The following ISX variants were observed in gnomAD, a reference collection of about 807,000 sequenced individuals.
ISX encodes the protein intestine specific homeobox, also known as intestine-specific homeobox.
Under a neutral mutation model 16.9 loss-of-function variants are expected in ISX, and 15 were observed. That is an observed-to-expected ratio of 0.89 (90% CI 0.59 to 1.36). The LOEUF (loss-of-function observed/expected upper bound fraction) is 1.36, where lower values mean the gene tolerates loss of function less well. ISX is among the 40% of genes most tolerant of loss of function. The probability of loss-of-function intolerance (pLI) is 0.00; values close to 1 mark genes in which losing one functional copy is unlikely to be tolerated. For synonymous variants in ISX, 125 were observed against 119.7 expected (o/e 1.04, Z -0.29); for missense variants, 316 against 306.1 (o/e 1.03, Z -0.24).
chr22:35,086,121 G>T lies in ISX; in HGVS notation c.*428G>T. ...GGCACTGAGGCACAGAGGAGGCCAA[G>T]GAGAGGTTGTTTGTTCATGCATGCA... On this transcript the variant is annotated 3_prime_UTR_variant, in exon 5 of 5. Coordinates refer to ENST00000404699, the MANE Select transcript of ISX (RefSeq NM_001303508.2). 3.7e-6 allele frequency: 1 copy of T among 270,524 alleles called. No individual in the cohort carries two copies. Among genetic ancestry groups the T allele is most frequent in the East Asian group, 9.3e-5 (1 of 10,738 alleles). The allele number at this position is 270,524 out of a possible 1,614,324, so 16.8% of individuals were successfully genotyped here.
chr22:35,078,306 T>C (rs1929037057), intron 2 of ISX, among the ~76,000 whole-genome samples: 2 of 152,352 alleles, frequency 1.3e-5, no homozygotes, highest in Non-Finnish European at 2.9e-5. Context: ...TCCTGCAGAC[T>C]GGCCCTCAGT....
intron 2 of ISX, among the ~76,000 whole-genome samples, chr22:35,076,689 G>A (rs1363794071): frequency 6.6e-6 from 1 of 152,214 alleles, no homozygotes; most frequent in African/African-American, 2.4e-5. Context: ...AGACCCCAGA[G>A]AAGAAGCAAT....
At chr22:35,077,492 A>G (rs1238883182) in intron 2 of ISX, among the ~76,000 whole-genome samples, 1 of 151,960 alleles carries the variant, frequency 6.6e-6, no homozygotes, top group Non-Finnish European at 1.5e-5. Context: ...TGTCTCTCCC[A>G]ACACTGCTCT....
intron 3 of ISX, 46 bp downstream of exon 3, chr22:35,082,715 C>T (rs754436127): frequency 6.2e-7 from 1 of 1,602,840 alleles, no homozygotes; most frequent in African/African-American, 1.3e-5. Flanking sequence ...GCCCTTGGGA[C>T]CATGTGTGAG....
At chr22:35,070,986 T>C (rs1021045912) in intron 2 of ISX, among the ~76,000 whole-genome samples, 1 of 152,210 alleles carries the variant, frequency 6.6e-6, no homozygotes, top group Admixed American at 6.5e-5. Flanking sequence ...AATAAAACTT[T>C]ATATACAAAA....
intron 2 of ISX, among the ~76,000 whole-genome samples, chr22:35,078,839 C>G (rs556187264): frequency 3.6e-4 from 55 of 152,360 alleles, no homozygotes; most frequent in Non-Finnish European, 6.3e-4. Flanking sequence ...TGCAGGCAAG[C>G]CTGCGGTGAG....
Position 35,067,292 on chromosome 22 carries a change from A to G in ISX, c.205A>G (p.Lys69Glu), listed in dbSNP as rs1240205773. ...TGCGGCCTCAGGCTCTGGGCTAGAAAAGCCTCCAAAGGACCAGCCCCAGGG... is the reference window on the plus strand; with the variant it reads ...TGCGGCCTCAGGCTCTGGGCTAGAAGAGCCTCCAAAGGACCAGCCCCAGGG... ...EAAASGSGLEKPPKDQPQEGR... is the reference protein window; with the variant it reads ...EAAASGSGLEEPPKDQPQEGR... The change falls in exon 2 of 5, where the codon AAG (lysine) becomes GAG (glutamate). Residue 69 changes from lysine (K) to glutamate (E), a missense_variant. Physicochemically the swap from Lys to Glu is moderately conservative, Grantham distance 56 (BLOSUM62 1). Transcript: ENST00000404699. 1 of 1,578,700 alleles carries G rather than the reference A, an allele frequency of 6.3e-7. No homozygotes were observed. Among genetic ancestry groups the G allele is most frequent in the Non-Finnish European group, 8.6e-7 (1 of 1,161,988 alleles).
chr22:35,070,770 G>C (rs1225131748), intron 2 of ISX, among the ~76,000 whole-genome samples: 5 of 152,232 alleles, frequency 3.3e-5, no homozygotes, highest in Admixed American at 2.0e-4. Context: ...CATCTTGTCT[G>C]ATGGAGCTGG....
chr22:35,085,807 GC>G lies in ISX; in HGVS notation c.*117del. On this transcript the variant is annotated 3_prime_UTR_variant, in exon 5 of 5. Coordinates refer to ENST00000404699, the MANE Select transcript of ISX (RefSeq NM_001303508.2). ...TTTCACAATCCAAAAATGGCCCACA[GC>G]CCAGGAAGCTACCCTGAACATGCCA... is the stretch of plus-strand genomic sequence containing the variant. The G allele has an allele frequency of 7.4e-7, 1 of 1,360,182 alleles. No homozygotes were observed. Among genetic ancestry groups the G allele is most frequent in the South Asian group, 1.3e-5 (1 of 76,846 alleles). 84.3% of individuals were successfully genotyped at this position (1,360,182 alleles called of 1,614,324 possible). A position where few individuals can be genotyped will look rare whatever the true frequency, so the allele number is the denominator to read the frequency against.
intron 2 of ISX, among the ~76,000 whole-genome samples, chr22:35,069,032 G>A (rs1176602717): frequency 1.3e-5 from 2 of 152,168 alleles, no homozygotes; most frequent in Non-Finnish European, 2.9e-5. Flanking sequence ...ATTTCTGAAA[G>A]CTTGGAGAGG....
In ISX at chr22:35,066,201, G is replaced by A. The variant is rs941200854; in HGVS notation, c.-598G>A. The A allele has an allele frequency of 1.3e-5, 2 of 152,326 alleles. No homozygotes were observed. Among genetic ancestry groups the A allele is most frequent in the Admixed American group, 1.3e-4 (2 of 15,274 alleles). 9.4% of individuals were successfully genotyped at this position (152,326 alleles called of 1,614,324 possible). On this transcript the variant is annotated 5_prime_UTR_variant, in exon 1 of 5. Coordinates refer to ENST00000404699, the MANE Select transcript of ISX (RefSeq NM_001303508.2). ...TCTTCAGTCTGTCTCAGGAGACTGG[G>A]AGAAACAGCATAAAGGACCCCACAA...
At chr22:35,079,103 C>G (rs193204544) in intron 2 of ISX, among the ~76,000 whole-genome samples, 14 of 152,276 alleles carry the variant, frequency 9.2e-5, no homozygotes, top group Non-Finnish European at 1.6e-4. Context: ...TCATAAGCAC[C>G]AAGAAAGAAA....
intron 2 of ISX, among the ~76,000 whole-genome samples, chr22:35,077,674 T>C (rs954587085): frequency 1.3e-5 from 2 of 152,118 alleles, no homozygotes; most frequent in African/African-American, 4.8e-5. Flanking sequence ...CCTGAGAATG[T>C]GTAGTTCAAA....
intron 3 of ISX, among the ~76,000 whole-genome samples, chr22:35,083,456 C>A (rs1929170507): frequency 6.6e-6 from 1 of 152,242 alleles, no homozygotes; most frequent in South Asian, 2.1e-4. Context: ...TTGCTTCATG[C>A]AGGATTAGAA....
chr22:35,073,172 T>C (rs1247906214), intron 2 of ISX, among the ~76,000 whole-genome samples: 1 of 152,202 alleles, frequency 6.6e-6, no homozygotes, highest in Non-Finnish European at 1.5e-5. Context: ...CTGCATTTCA[T>C]TCATTAGAAA....
intron 2 of ISX, among the ~76,000 whole-genome samples, chr22:35,073,868 C>A (rs973338548): frequency 6.6e-5 from 10 of 152,172 alleles, no homozygotes; most frequent in African/African-American, 2.4e-4. Flanking sequence ...GAATGAAGAA[C>A]CATTTTCAAA....
chr22:35,076,632 CGG>C lies in ISX; in HGVS notation c.230-5885_230-5884del, dbSNP rs558960106. 4.2e-3 allele frequency among the ~76,000 whole-genome samples: 637 copies of C among 152,262 alleles called. 3 individuals are homozygous for C. The highest frequency in any genetic ancestry group is 0.015 in the African/African-American group (620 of 41,550). ...AGGCCCATTTCCAGAGACTGCCCAGCGGCAAAGTCCCCCGGGCCTTTAGCTGC... is the reference window on the plus strand; with the variant it reads ...AGGCCCATTTCCAGAGACTGCCCAGCCAAAGTCCCCCGGGCCTTTAGCTGC... On this transcript the variant is annotated intron_variant, in intron 2 of 4. Coordinates refer to ENST00000404699, the MANE Select transcript of ISX (RefSeq NM_001303508.2).
At chr22:35,085,309 A>C in intron 4 of ISX, 145 bp from the exon 5 acceptor site, 1 of 966,614 alleles carries the variant, frequency 1.0e-6, no homozygotes, top group Non-Finnish European at 1.6e-6. Context: ...GGACTTTCAG[A>C]GCTAAACCCA....
chr22:35,084,593 T>C, intron 4 of ISX, 94 bp downstream of exon 4: 1 of 746,984 alleles, frequency 1.3e-6, no homozygotes, highest in East Asian at 2.7e-5. Context: ...TCGGGGGCTC[T>C]GTCTACAGGA....
Sources: allele counts gnomAD v4.1 joint callset (sites outside exome capture counted in the v4.1 genomes callset), GRCh38; gene constraint gnomAD v4.1.1; transcripts MANE v1.5; gene names NCBI Gene and HGNC (gene_info 2026-07-23, HGNC 2026-07-21).